The following GALNTL6 variants were observed in gnomAD, a reference collection of about 807,000 sequenced individuals.
GALNTL6 encodes the protein polypeptide N-acetylgalactosaminyltransferase like 6, also known as polypeptide N-acetylgalactosaminyltransferase-like 6.
Under a neutral mutation model 73.7 loss-of-function variants are expected in GALNTL6, and 46 were observed. The ratio of observed to expected loss-of-function variants is 0.62; its 90% CI spans 0.49 to 0.80. The LOEUF (loss-of-function observed/expected upper bound fraction) is 0.80. GALNTL6 is among the 30% of genes least tolerant of loss of function. The pLI, the probability that GALNTL6 is intolerant of heterozygous loss-of-function variation, is 0.00. For synonymous variants in GALNTL6, 259 were observed against 263.7 expected, an observed-to-expected ratio of 0.98 and a Z score of 0.17; for missense variants, 604 against 755.0, an observed-to-expected ratio of 0.80 and a Z score of 2.34.
chr4:172,498,489 T>C (rs1380789016), intron 5 of GALNTL6, among the ~76,000 whole-genome samples: 1 of 152,184 alleles, frequency 6.6e-6, no homozygotes, highest in Non-Finnish European at 1.5e-5. Flanking sequence ...TTTTCAGTAA[T>C]TTTTATATGT....
At chr4:172,323,206 A>T (rs888642983) in intron 4 of GALNTL6, among the ~76,000 whole-genome samples, 3 of 152,184 alleles carry the variant, frequency 2.0e-5, no homozygotes, top group Non-Finnish European at 4.4e-5. Context: ...GGATAACTGC[A>T]TGGATAAATA....
chr4:172,494,904 T>G (rs549887352), intron 5 of GALNTL6, among the ~76,000 whole-genome samples: 1 of 152,276 alleles, frequency 6.6e-6, no homozygotes, highest in South Asian at 2.1e-4. Flanking sequence ...AATGTTAGTC[T>G]CCTTTGGCAA....
At position 172,809,513 on chromosome 4, in the gene GALNTL6, G is replaced by A; in HGVS notation, c.706G>A (p.Glu236Lys). The change falls in exon 6 of 13, where the codon GAG becomes AAG. Residue 236 changes from glutamate to lysine, a missense_variant. Physicochemically the swap from Glu to Lys is moderately conservative, Grantham distance 56 (BLOSUM62 1). Transcript: ENST00000506823. This position sits in a 1 kb window ranked among gnomAD's most constrained non-coding sequence, Gnocchi z 4.4. Reference sequence around the variant, plus strand: ...CCTGACATTCCTGGACTCCCACTGCGAGGTCAATGTGAACTGGCTGCCCCC... The same window carrying A: ...CCTGACATTCCTGGACTCCCACTGCAAGGTCAATGTGAACTGGCTGCCCCC... Reference protein sequence around the residue: ...EVLTFLDSHCEVNVNWLPPLL... With the variant: ...EVLTFLDSHCKVNVNWLPPLL... 1 of 1,613,428 alleles carries A rather than the reference G, an allele frequency of 6.2e-7. No homozygotes were observed. Among genetic ancestry groups the A allele is most frequent in the Non-Finnish European group, 8.5e-7 (1 of 1,179,708 alleles).
intron 3 of GALNTL6, among the ~76,000 whole-genome samples, chr4:172,254,341 A>G (rs1737995833): frequency 6.6e-6 from 1 of 151,834 alleles, no homozygotes; most frequent in Non-Finnish European, 1.5e-5. Flanking sequence ...TTAGATATTA[A>G]TAAAGAGGGA....
intron 5 of GALNTL6, among the ~76,000 whole-genome samples, chr4:172,589,335 A>G (rs1474759300): frequency 6.6e-6 from 1 of 152,210 alleles, no homozygotes; most frequent in Non-Finnish European, 1.5e-5. Flanking sequence ...ACCAACACTT[A>G]AAAACTGAAA....
intron 5 of GALNTL6, among the ~76,000 whole-genome samples, chr4:172,439,989 A>G (rs1731771065): frequency 6.6e-6 from 1 of 152,058 alleles, no homozygotes; most frequent in Non-Finnish European, 1.5e-5. Flanking sequence ...CTATGGCAGA[A>G]CACTGACAAC....
rs1024268698 is a variant in GALNTL6, at chr4:172,738,848, G to A, written c.554-70513G>A. Among the ~76,000 whole-genome samples the A allele has an allele frequency of 5.3e-5, 8 of 152,198 alleles. No homozygotes were observed. In the South Asian group the frequency reaches 1.0e-3, roughly 20 times the overall value. ...AACTCAAAGCAGGTGGGTCGGGGGAGTGGTGCTTCCAGGCTACAGGCAGAT... is the reference window on the plus strand; with the variant it reads ...AACTCAAAGCAGGTGGGTCGGGGGAATGGTGCTTCCAGGCTACAGGCAGAT... On this transcript the variant is annotated intron_variant, in intron 5 of 12. Transcript: ENST00000506823.
intron 2 of GALNTL6, among the ~76,000 whole-genome samples, chr4:171,897,974 G>T (rs916228357): frequency 6.6e-6 from 1 of 151,344 alleles, no homozygotes; most frequent in African/African-American, 2.4e-5. Flanking sequence ...AGGAACAAAT[G>T]TTTTCAAAAC....
At chr4:172,482,064 G>A (rs1733505287) in intron 5 of GALNTL6, among the ~76,000 whole-genome samples, 1 of 152,230 alleles carries the variant, frequency 6.6e-6, no homozygotes, top group African/African-American at 2.4e-5. Flanking sequence ...CAGCGCAGGT[G>A]GCCCAGCAGT....
At chr4:172,680,443 G>T (rs556561602) in intron 5 of GALNTL6, among the ~76,000 whole-genome samples, 14 of 151,912 alleles carry the variant, frequency 9.2e-5, no homozygotes, top group African/African-American at 3.1e-4. Flanking sequence ...AAGGAAGGAG[G>T]GGGGAAAGAA....
chr4:172,528,338 AT>A (rs1735038138), intron 5 of GALNTL6, among the ~76,000 whole-genome samples: 5 of 38,990 alleles, frequency 1.3e-4, no homozygotes, highest in Non-Finnish European at 3.6e-4. Flanking sequence ...ATATATATAT[AT>A]ATATATATAT....
chr4:172,674,741 T>C (rs1732186467), intron 5 of GALNTL6, among the ~76,000 whole-genome samples: 1 of 152,186 alleles, frequency 6.6e-6, no homozygotes, highest in Non-Finnish European at 1.5e-5. Flanking sequence ...TCTGAAATTC[T>C]TTCCTCTGCT....
At chr4:172,686,831 T>C (rs1158841659) in intron 5 of GALNTL6, among the ~76,000 whole-genome samples, 1 of 152,228 alleles carries the variant, frequency 6.6e-6, no homozygotes, top group Non-Finnish European at 1.5e-5. Context: ...AGGCCTCATC[T>C]ATCCATGGTT....
chr4:171,855,334 T>C (rs1029012005), intron 2 of GALNTL6, among the ~76,000 whole-genome samples: 1 of 152,200 alleles, frequency 6.6e-6, no homozygotes, highest in Non-Finnish European at 1.5e-5. Flanking sequence ...CTCTATAGTT[T>C]TACCTTTTCC....
chr4:172,913,781 G>GTACC (rs1207904918), intron 8 of GALNTL6, among the ~76,000 whole-genome samples: 2 of 152,196 alleles, frequency 1.3e-5, no homozygotes, highest in African/African-American at 4.8e-5. Flanking sequence ...GTACCTTAAA[G>GTACC]TGATGGGAAG....
chr4:172,016,698 G>C (rs1429029200), intron 2 of GALNTL6, among the ~76,000 whole-genome samples: 3 of 151,864 alleles, frequency 2.0e-5, no homozygotes, highest in Non-Finnish European at 4.4e-5. Flanking sequence ...CATTTGGGTA[G>C]ACTATTTCTT....
chr4:172,552,272 G>C (rs2110902370), intron 5 of GALNTL6, among the ~76,000 whole-genome samples: 1 of 152,156 alleles, frequency 6.6e-6, no homozygotes, highest in African/African-American at 2.4e-5. Context: ...GTAATTTCTT[G>C]AGCTAGAGAT....
At chr4:171,980,703 C>T (rs1328453865) in intron 2 of GALNTL6, among the ~76,000 whole-genome samples, 3 of 152,194 alleles carry the variant, frequency 2.0e-5, no homozygotes, top group Non-Finnish European at 4.4e-5. Context: ...GGAAAATCAC[C>T]TCCAGCTCTG....
chr4:171,848,547 T>C (rs761529606), intron 2 of GALNTL6, among the ~76,000 whole-genome samples: 3 of 152,244 alleles, frequency 2.0e-5, no homozygotes, highest in Non-Finnish European at 4.4e-5. Flanking sequence ...TGAAAATCTG[T>C]TGTTTGGTGC....
Sources: gnomAD v4.1 joint callset for allele counts (sites outside exome capture counted in the v4.1 genomes callset) on GRCh38, gnomAD v4.1.1 for gene constraint, Gnocchi (gnomAD v3.1) non-coding constraint, MANE v1.5 for transcripts, NCBI Gene and HGNC (gene_info 2026-07-23, HGNC 2026-07-21) for gene names.